The following ADAMTS6 variants were observed in gnomAD, a reference collection of about 807,000 sequenced individuals.
ADAMTS6 encodes the protein A disintegrin and metalloproteinase with thrombospondin motifs 6.
ADAMTS6 carries 23 observed loss-of-function variants against 144.3 expected under a neutral mutation model. The observed-to-expected ratio is 0.16, with a 90% CI of 0.11 to 0.23. ADAMTS6 has a LOEUF of 0.23. ADAMTS6 is among the 10% of genes least tolerant of loss of function. The pLI, the probability that ADAMTS6 is intolerant of heterozygous loss-of-function variation, is 1.00. For synonymous variants in ADAMTS6, 444 were observed against 457.5 expected, an observed-to-expected ratio of 0.97 and a Z score of 0.38; for missense variants, 999 against 1,379.6, an observed-to-expected ratio of 0.72 and a Z score of 4.37.
chr5:65,178,618 A>G (rs560882193), intron 22 of ADAMTS6, among the ~76,000 whole-genome samples: 4 of 152,176 alleles, frequency 2.6e-5, no homozygotes, highest in African/African-American at 9.6e-5. Flanking sequence ...CTATCTCTCA[A>G]AACAACTAGA....
chr5:65,433,029 G>A (rs563198762), intron 7 of ADAMTS6, among the ~76,000 whole-genome samples: 22 of 152,150 alleles, frequency 1.4e-4, no homozygotes, highest in African/African-American at 4.3e-4. Context: ...CCCCAAATGA[G>A]GCCATTTTCT....
At chr5:65,364,933 G>A (rs1750167869) in intron 7 of ADAMTS6, among the ~76,000 whole-genome samples, 1 of 152,056 alleles carries the variant, frequency 6.6e-6, no homozygotes, top group South Asian at 2.1e-4. Flanking sequence ...AACTTACGAG[G>A]TTATAGATCT....
chr5:65,244,740 T>C (rs1759482940), intron 14 of ADAMTS6, among the ~76,000 whole-genome samples: 1 of 152,116 alleles, frequency 6.6e-6, no homozygotes, highest in Admixed American at 6.6e-5. Flanking sequence ...TTAGTAATAG[T>C]TTCAGCGTAC....
chr5:65,438,016 A>C (rs564767653), intron 7 of ADAMTS6, among the ~76,000 whole-genome samples: 2 of 152,320 alleles, frequency 1.3e-5, no homozygotes, highest in East Asian at 3.9e-4. Context: ...AAGGGCAAGA[A>C]TATTTACTCA....
At chr5:65,167,302 C>T (rs1160358697) in intron 24 of ADAMTS6, among the ~76,000 whole-genome samples, 2 of 152,108 alleles carry the variant, frequency 1.3e-5, no homozygotes, top group Non-Finnish European at 1.5e-5. Context: ...ATAACTTCCT[C>T]GACACATACA....
chr5:65,425,812 T>G (rs914075116), intron 7 of ADAMTS6, among the ~76,000 whole-genome samples: 10 of 152,080 alleles, frequency 6.6e-5, no homozygotes, highest in Admixed American at 2.0e-4. Context: ...CCCCCAGGCT[T>G]GAGTGCAGTG....
intron 11 of ADAMTS6, among the ~76,000 whole-genome samples, chr5:65,280,235 C>T (rs1762884435): frequency 6.6e-6 from 1 of 152,200 alleles, no homozygotes; most frequent in South Asian, 2.1e-4. Flanking sequence ...GTTTGTAATG[C>T]TTCCTTCTTA....
chr5:65,357,154 GA>G (rs1393718514), intron 7 of ADAMTS6, among the ~76,000 whole-genome samples: 1 of 151,314 alleles, frequency 6.6e-6, no homozygotes, highest in African/African-American at 2.4e-5. Flanking sequence ...ATAAATAATA[GA>G]AAAAAATTGG....
intron 7 of ADAMTS6, among the ~76,000 whole-genome samples, chr5:65,421,402 C>G (rs902126727): frequency 6.6e-6 from 1 of 152,180 alleles, no homozygotes; most frequent in Non-Finnish European, 1.5e-5. Context: ...ACCCCAATCC[C>G]TTCTGGCTTG....
At chr5:65,402,915 CA>C (rs1176050802) in intron 7 of ADAMTS6, among the ~76,000 whole-genome samples, 3 of 152,114 alleles carry the variant, frequency 2.0e-5, no homozygotes, top group Non-Finnish European at 4.4e-5. Flanking sequence ...TGCTTTATGA[CA>C]AAACCCATTG....
intron 11 of ADAMTS6, among the ~76,000 whole-genome samples, chr5:65,282,415 G>A (rs1220062593): frequency 1.3e-5 from 2 of 152,080 alleles, no homozygotes; most frequent in Non-Finnish European, 2.9e-5. Flanking sequence ...CCTCCAGGTA[G>A]CAGGCTTCCC....
chr5:65,406,280 G>C (rs1376728352), intron 7 of ADAMTS6, among the ~76,000 whole-genome samples: 4 of 151,998 alleles, frequency 2.6e-5, no homozygotes, highest in Non-Finnish European at 5.9e-5. Context: ...ATTGGCTGTG[G>C]GTTTGTCATA....
At chr5:65,190,823 T>C (rs1207520288) in intron 21 of ADAMTS6, among the ~76,000 whole-genome samples, 11 of 152,186 alleles carry the variant, frequency 7.2e-5, no homozygotes, top group Admixed American at 5.9e-4. Context: ...TGCATCTTTA[T>C]TGCTCATCGT....
intron 7 of ADAMTS6, among the ~76,000 whole-genome samples, chr5:65,350,935 A>C (rs1748796173): frequency 6.6e-6 from 1 of 152,210 alleles, no homozygotes; most frequent in Admixed American, 6.5e-5. Context: ...AGTGTGAGCC[A>C]CTGAACCCGG....
chr5:65,410,078 T>C (rs904237405), intron 7 of ADAMTS6, among the ~76,000 whole-genome samples: 1 of 152,102 alleles, frequency 6.6e-6, no homozygotes, highest in African/African-American at 2.4e-5. Context: ...CTAAAAACAC[T>C]TGTGCTTGAG....
chr5:65,228,002 G>A (rs550243619), intron 15 of ADAMTS6, among the ~76,000 whole-genome samples: 129 of 152,090 alleles, frequency 8.5e-4, no homozygotes, highest in African/African-American at 2.9e-3. Context: ...GATTTTTAGC[G>A]TTAGGTTAAT....
At chr5:65,272,462 C>A (rs2112651998) in intron 12 of ADAMTS6, among the ~76,000 whole-genome samples, 1 of 152,118 alleles carries the variant, frequency 6.6e-6, no homozygotes, top group South Asian at 2.1e-4. Context: ...TTAGCTGGGA[C>A]TACAGGGGCG....
chr5:65,279,721 T>C (rs1258885085), intron 11 of ADAMTS6, among the ~76,000 whole-genome samples: 1 of 152,230 alleles, frequency 6.6e-6, no homozygotes. Flanking sequence ...ATTATCTCTT[T>C]TAATGTGTAT....
chr5:65,276,903 A>G (rs1046550952), intron 11 of ADAMTS6, among the ~76,000 whole-genome samples: 4 of 152,154 alleles, frequency 2.6e-5, no homozygotes, highest in African/African-American at 9.7e-5. Flanking sequence ...TCTTTCACAT[A>G]CTCATGAATC....
Sources: gnomAD v4.1 joint callset for allele counts (sites outside exome capture counted in the v4.1 genomes callset) on GRCh38, gnomAD v4.1.1 for gene constraint, MANE v1.5 for transcripts, NCBI Gene and HGNC (gene_info 2026-07-23, HGNC 2026-07-21) for gene names.